KCNH8: variants seen among roughly 807,000 people sequenced by gnomAD.
KCNH8 encodes voltage-gated delayed rectifier potassium channel KCNH8.
Under a neutral mutation model 103.6 loss-of-function variants are expected in KCNH8, and 70 were observed. That is an observed-to-expected ratio of 0.68 (90% confidence interval 0.56 to 0.82). The LOEUF (loss-of-function observed/expected upper bound fraction) is 0.82. KCNH8 is among the 40% of genes least tolerant of loss of function. KCNH8 has a pLI of 0.00. For synonymous variants in KCNH8, 498 were observed against 489.4 expected (o/e 1.02, Z -0.23); for missense variants, 1,217 against 1,329.9 (o/e 0.92, Z 1.32).
intron 3 of KCNH8, among the ~76,000 whole-genome samples, chr3:19,299,653 A>G (rs1034857283): frequency 6.6e-6 from 1 of 151,896 alleles, no homozygotes; most frequent in Admixed American, 6.5e-5. Flanking sequence ...AAAAAATAAA[A>G]CAAAAATAAA....
Position 19,535,280 on chromosome 3 carries a change from C to CA in KCNH8, c.*1183dup, listed in dbSNP as rs1428401458. On this transcript the variant is annotated 3_prime_UTR_variant, in exon 16 of 16. Coordinates refer to ENST00000328405, the MANE Select transcript of KCNH8 (RefSeq NM_144633.3). ...AACTTGTGGGAGTAATACCAGCTTG[C>CA]AATGGGTCAGCACTTTACCTTTTTT... is the stretch of plus-strand genomic sequence containing the variant. The CA allele has an allele frequency of 5.3e-5, 8 of 152,216 alleles. No homozygotes were observed. Among genetic ancestry groups the CA allele is most frequent in the African/African-American group, 1.9e-4 (8 of 41,454 alleles). The allele number at this position is 152,216 out of a possible 1,614,324, so 9.4% of individuals were successfully genotyped here. A position where few individuals can be genotyped will look rare whatever the true frequency, so the allele number is the denominator to read the frequency against.
Position 19,513,299 on chromosome 3 carries a change from T to C in KCNH8, c.2409T>C (p.Asn803=). The C allele has an allele frequency of 6.2e-7, 1 of 1,606,432 alleles. No individual in the cohort carries two copies. The highest frequency in any genetic ancestry group is 8.5e-7 in the Non-Finnish European group (1 of 1,176,962). The change falls in exon 13 of 16, where the codon AAT becomes AAC. Residue 803 remains asparagine (N), a synonymous_variant. Coordinates refer to ENST00000328405, the MANE Select transcript of KCNH8 (RefSeq NM_144633.3). Reference sequence around the variant, plus strand: ...AATTGCAACTTTCAACTTTGAATAATGCTGGACCCCCAGACCTCAGTCCAA... The same window carrying C: ...AATTGCAACTTTCAACTTTGAATAACGCTGGACCCCCAGACCTCAGTCCAA... The part of the protein sequence containing the change: ...NLKLQLSTLN[N]AGPPDLSPRI...
At chr3:19,363,178 T>G (rs1313606170) in intron 5 of KCNH8, among the ~76,000 whole-genome samples, 1 of 152,080 alleles carries the variant, frequency 6.6e-6, no homozygotes, top group Non-Finnish European at 1.5e-5. Flanking sequence ...CAAGAGAAGG[T>G]CTCTTAAAGA....
intron 1 of KCNH8, among the ~76,000 whole-genome samples, chr3:19,195,798 G>C (rs1164757622): frequency 2.6e-5 from 4 of 151,950 alleles, no homozygotes; most frequent in Admixed American, 6.6e-5. Context: ...GGTGGTGAAT[G>C]ATGTAGCTTC....
chr3:19,404,063 A>T (rs2066655856), intron 7 of KCNH8, among the ~76,000 whole-genome samples: 1 of 151,980 alleles, frequency 6.6e-6, no homozygotes, highest in African/African-American at 2.4e-5. Flanking sequence ...TCAGTAAAGG[A>T]AATGATAAGC....
intron 1 of KCNH8, among the ~76,000 whole-genome samples, chr3:19,219,021 A>G (rs1033046542): frequency 1.3e-5 from 2 of 152,140 alleles, no homozygotes; most frequent in African/African-American, 4.8e-5. Flanking sequence ...CAACATATGA[A>G]TTTGGACACA....
chr3:19,376,571 C>A (rs9843179), intron 5 of KCNH8, among the ~76,000 whole-genome samples: 1 of 152,122 alleles, frequency 6.6e-6, no homozygotes, highest in South Asian at 2.1e-4. Flanking sequence ...GTGTCGCTCA[C>A]GCTGGGAGCT....
At chr3:19,377,718 G>T (rs766113299) in intron 5 of KCNH8, among the ~76,000 whole-genome samples, 4 of 152,188 alleles carry the variant, frequency 2.6e-5, no homozygotes, top group Non-Finnish European at 4.4e-5. Context: ...TTATTTATGA[G>T]TGCTGCCATC....
intron 1 of KCNH8, among the ~76,000 whole-genome samples, chr3:19,248,879 A>G (rs1420542178): frequency 6.6e-6 from 1 of 152,218 alleles, no homozygotes; most frequent in East Asian, 1.9e-4. Flanking sequence ...GCTCCATATT[A>G]GGAGATCAGA....
chr3:19,357,971 C>T (rs1199643237), intron 5 of KCNH8, among the ~76,000 whole-genome samples: 2 of 151,820 alleles, frequency 1.3e-5, no homozygotes, highest in Admixed American at 6.6e-5. Context: ...CATACCTAAA[C>T]ATGTTACTGT....
chr3:19,380,416 G>A (rs1023473283), intron 5 of KCNH8, among the ~76,000 whole-genome samples: 11 of 151,970 alleles, frequency 7.2e-5, no homozygotes, highest in African/African-American at 9.7e-5. Context: ...GGTGTACTTC[G>A]GCACTAACAG....
At chr3:19,439,303 A>C (rs952047958) in intron 8 of KCNH8, among the ~76,000 whole-genome samples, 54 of 152,362 alleles carry the variant, frequency 3.5e-4, no homozygotes, top group African/African-American at 1.3e-3. Context: ...AAAGAAATCA[A>C]ATTTTTAAAG....
chr3:19,324,392 C>T (rs964402101), intron 3 of KCNH8, among the ~76,000 whole-genome samples: 2 of 152,244 alleles, frequency 1.3e-5, no homozygotes, highest in East Asian at 3.9e-4. Flanking sequence ...GACTTCCAAA[C>T]ACTTACAAAA....
Position 19,533,800 on chromosome 3 carries a change from T to C in KCNH8, c.3025T>C (p.Leu1009=), listed in dbSNP as rs769340960. 6.2e-7 allele frequency: 1 copy of C among 1,614,188 alleles called. No individual in the cohort carries two copies. ...TGTCCAAGAAGGTCATTTGCAATTT[T>C]TAAGGTGCATCTCTCCACATTCAGA... ...QVVQEGHLQF[L]RCISPHSDST... is the part of the protein sequence containing the mutation. The change falls in exon 16 of 16, where the codon TTA becomes CTA. Residue 1009 remains leucine, a synonymous_variant. Transcript: ENST00000328405.
intron 11 of KCNH8, among the ~76,000 whole-genome samples, chr3:19,503,453 A>G (rs932125539): frequency 6.6e-6 from 1 of 152,212 alleles, no homozygotes; most frequent in Non-Finnish European, 1.5e-5. Flanking sequence ...ACTATAAATC[A>G]TGCTGCTATA....
rs76509798 is a variant in KCNH8, at chr3:19,273,125, G to A, written c.311-8073G>A. Among the ~76,000 whole-genome samples, 708 of 152,268 alleles carry A rather than the reference G, an allele frequency of 4.6e-3. 23 individuals carry two copies. The East Asian group carries it at 0.083, about 18-fold the overall frequency. ...ATAACAATGTTGAGTTCATACAGAC[G>A]TTATGTTTATTGGAACCAACAATTA... On this transcript the variant is annotated intron_variant, in intron 2 of 15. Transcript: ENST00000328405.
chr3:19,527,868 A>G (rs973606489), intron 15 of KCNH8, among the ~76,000 whole-genome samples: 1 of 152,132 alleles, frequency 6.6e-6, no homozygotes, highest in East Asian at 1.9e-4. Flanking sequence ...ACAAGGGAAG[A>G]ATCTTTAGGT....
rs148267690 is a variant in KCNH8, at chr3:19,452,530, A to C, written c.1825+1126A>C. ...CCTTGCCTGCATGAAAATTAAACTG[A>C]AGTGGAAGATATAATGGGGTCTGAG... On this transcript the variant is annotated intron_variant, in intron 10 of 15. Coordinates refer to ENST00000328405, the MANE Select transcript of KCNH8 (RefSeq NM_144633.3). 5.9e-3 allele frequency among the ~76,000 whole-genome samples: 898 copies of C among 152,304 alleles called. 10 individuals are homozygous for C. The highest frequency in any genetic ancestry group is 0.021 in the African/African-American group (863 of 41,570).
rs572918477 is a variant in KCNH8 at position 19,189,786 on chromosome 3, A to G, written c.76+40991A>G. On this transcript the variant is annotated intron_variant, in intron 1 of 15. Transcript: ENST00000328405. ...GATGACAAACTTACATGAAATAGTA[A>G]AGAATGTGTGCAAACTGAAAACAGC... Among the ~76,000 whole-genome samples the G allele has an allele frequency of 7.0e-4, 107 of 152,162 alleles. 1 individual carries two copies. The highest frequency in any genetic ancestry group is 2.6e-3 in the African/African-American group (106 of 41,560).
Sources: gnomAD v4.1 joint callset for allele counts (sites outside exome capture counted in the v4.1 genomes callset) on GRCh38, gnomAD v4.1.1 for gene constraint, MANE v1.5 for transcripts, NCBI Gene and HGNC (gene_info 2026-07-23, HGNC 2026-07-21) for gene names.